REXO1: variants seen among roughly 807,000 people sequenced by gnomAD.
The protein encoded by REXO1 is RNA exonuclease 1 homolog, also known as REX1, RNA exonuclease 1 homolog.
Under a neutral mutation model 102.6 loss-of-function variants are expected in REXO1, and 42 were observed. The observed-to-expected ratio is 0.41, with a 90% CI of 0.32 to 0.53. The LOEUF (loss-of-function observed/expected upper bound fraction) is 0.53, where lower values mean the gene tolerates loss of function less well. Ranked by LOEUF, REXO1 falls within the 20% of genes least tolerant of loss-of-function variation. The pLI, the probability that REXO1 is intolerant of heterozygous loss-of-function variation, is 0.27. For missense variants in REXO1, 1,819 were observed against 1,732.5 expected, an observed-to-expected ratio of 1.05 and a Z score of -0.89; for synonymous variants, 908 against 779.1, an observed-to-expected ratio of 1.17 and a Z score of -2.76.
At chr19:1,823,203 TCA>T (rs961470097) in intron 4 of REXO1, 1 of 248,988 alleles carries the variant, frequency 4.0e-6, no homozygotes, top group Non-Finnish European at 7.6e-6. Context: ...CGCCCCCCAC[TCA>T]CACGCCAGGA....
In REXO1 at chr19:1,829,669, G is replaced by A. The variant is rs1377655956; in HGVS notation, c.158-1038C>T. 5.3e-5 allele frequency among the ~76,000 whole-genome samples: 8 copies of A among 152,124 alleles called. No homozygotes were observed. In the South Asian group the frequency reaches 8.3e-4, roughly 16 times the overall value. ...ACTAAAAATACAAAATTAGCCGGGCGTGGTGGCGCATGCCTGTAATCCCAG... is the reference window on the plus strand; with the variant it reads ...ACTAAAAATACAAAATTAGCCGGGCATGGTGGCGCATGCCTGTAATCCCAG... On this transcript the variant is annotated intron_variant, in intron 1 of 15. Coordinates refer to ENST00000170168, the MANE Select transcript of REXO1 (RefSeq NM_020695.4).
intron 1 of REXO1, among the ~76,000 whole-genome samples, chr19:1,834,355 G>T (rs1303421465): frequency 2.0e-5 from 3 of 152,188 alleles, no homozygotes; most frequent in Non-Finnish European, 4.4e-5. Context: ...GCAGAGCGCA[G>T]GACAGGTGAT....
At chr19:1,833,051 G>A (rs892434697) in intron 1 of REXO1, among the ~76,000 whole-genome samples, 6 of 151,938 alleles carry the variant, frequency 3.9e-5, no homozygotes, top group African/African-American at 7.3e-5. Context: ...GCGAGACCCC[G>A]TCTCTACAAA....
intron 12 of REXO1, among the ~76,000 whole-genome samples, 169 bp from the exon 13 acceptor site, chr19:1,816,982 G>A (rs914340931): frequency 2.6e-5 from 4 of 152,120 alleles, no homozygotes; most frequent in African/African-American, 7.2e-5. Context: ...ACCCCCTTTC[G>A]CAAAGCCCTC....
intron 5 of REXO1, among the ~76,000 whole-genome samples, chr19:1,820,871 G>A (rs542577020): frequency 4.6e-5 from 7 of 152,032 alleles, no homozygotes; most frequent in South Asian, 4.2e-4. Context: ...TGATGACACC[G>A]GCTTGTGGTC....
chr19:1,824,003 G>C (rs1011122207), intron 3 of REXO1: 1 of 394,002 alleles, frequency 2.5e-6, no homozygotes, highest in Admixed American at 4.4e-5. Context: ...AGTGTCTCCC[G>C]GTGCCCAGGC....
rs2069347675 is a variant in REXO1, at chr19:1,815,941, C to T, written c.*125G>A. On this transcript the variant is annotated 3_prime_UTR_variant, in exon 16 of 16. Transcript: ENST00000170168. The surrounding 1 kb of genome is among the most constrained non-coding windows in gnomAD (Gnocchi z 4.0). ...GGCGTTCTCTGGCCGCCAGCTCATC[C>T]CGCTGCTCTGGGCTGCCTCGGCCAG... is the stretch of plus-strand genomic sequence containing the variant. The T allele has an allele frequency of 6.5e-7, 1 of 1,535,112 alleles. No individual in the cohort carries two copies. Among genetic ancestry groups the T allele is most frequent in the African/African-American group, 1.4e-5 (1 of 73,132 alleles).
In REXO1 at chr19:1,826,619, C is replaced by T. The variant is rs557145520; in HGVS notation, c.1911+259G>A. Among the ~76,000 whole-genome samples the T allele has an allele frequency of 1.3e-5, 2 of 152,068 alleles. No individual in the cohort carries two copies. Among genetic ancestry groups the T allele is most frequent in the South Asian group, 2.1e-4 (1 of 4,808 alleles). Reference sequence around the variant, plus strand: ...CCCCTGCCAGTCAGTGGGAACAGACCGTGTGCACGTGGCCACAGAAGCCTG... The same window carrying T: ...CCCCTGCCAGTCAGTGGGAACAGACTGTGTGCACGTGGCCACAGAAGCCTG... On this transcript the variant is annotated intron_variant, in intron 2 of 15. Coordinates refer to ENST00000170168, the MANE Select transcript of REXO1 (RefSeq NM_020695.4). This position sits in a 1 kb window ranked among gnomAD's most constrained non-coding sequence, Gnocchi z 4.3.
chr19:1,832,004 C>T (rs1440119743), intron 1 of REXO1, among the ~76,000 whole-genome samples: 3 of 151,902 alleles, frequency 2.0e-5, no homozygotes. Flanking sequence ...GGCCACCTCA[C>T]TCAGCCAATA....
In REXO1 at chr19:1,834,845, A is replaced by G. The variant is rs575622168; in HGVS notation, c.158-6214T>C. 3.2e-3 allele frequency: 776 copies of G among 239,940 alleles called. 2 individuals are homozygous for G. Among genetic ancestry groups the G allele is most frequent in the Non-Finnish European group, 6.0e-3 (629 of 104,650 alleles). The allele number at this position is 239,940 out of a possible 1,614,324, so 14.9% of individuals were successfully genotyped here. A position where few individuals can be genotyped will look rare whatever the true frequency, so the allele number is the denominator to read the frequency against. ...ACCACCTCCACAAAGACTGCACCAA[A>G]AAGAAAGCAGGCATGCTAGGCGGGT... On this transcript the variant is annotated intron_variant, in intron 1 of 15. Transcript: ENST00000170168.
In REXO1 at chr19:1,827,958, G is replaced by A; in HGVS notation, c.831C>T (p.Asp277=). 1.2e-6 allele frequency: 2 copies of A among 1,613,712 alleles called. No homozygotes were observed. Among genetic ancestry groups the A allele is most frequent in the Non-Finnish European group, 8.5e-7 (1 of 1,179,874 alleles). The change falls in exon 2 of 16, where the codon GAC becomes GAT. Residue 277 remains aspartate, a synonymous_variant. Transcript: ENST00000170168. ...PYTPAPKKLC[D]PFGSCDARFS... is the part of the protein sequence containing the mutation. Reference sequence around the variant, plus strand: ...ACCTTGCATCGCAACTGCCAAAGGGGTCACAGAGCTTCTTGGGAGCAGGTG... The same window carrying A: ...ACCTTGCATCGCAACTGCCAAAGGGATCACAGAGCTTCTTGGGAGCAGGTG...
rs984946136 is a variant in REXO1 at position 1,848,287 on chromosome 19, G to A, written c.72C>T (p.Cys24=). The A allele has an allele frequency of 3.7e-5, 45 of 1,232,502 alleles. No homozygotes were observed. The highest frequency in any genetic ancestry group is 4.0e-5 in the Non-Finnish European group (39 of 982,346). The allele number at this position is 1,232,502 out of a possible 1,614,324, so 76.3% of individuals were successfully genotyped here. A position where few individuals can be genotyped will look rare whatever the true frequency, so the allele number is the denominator to read the frequency against. The change falls in exon 1 of 16, where the codon TGC becomes TGT. Residue 24 remains cysteine, a synonymous_variant. Transcript: ENST00000170168. ...GCCGGAAGTGGCAGTAGGGCCGCCG[G>A]CAGGGCCCCCCGGGCGCCCCAGACC... ...PYWSGAPGGP[C]RRPYCHFRHR...
Position 1,815,765 on chromosome 19 carries a change from G to A in REXO1, c.*301C>T. ...CCACCCGGGAGGGAGGGCCTGGCAG[G>A]AGGGGCAGGAGGGGCTGCGGGCCGG... On this transcript the variant is annotated 3_prime_UTR_variant, in exon 16 of 16. Coordinates refer to ENST00000170168, the MANE Select transcript of REXO1 (RefSeq NM_020695.4). This position sits in a 1 kb window ranked among gnomAD's most constrained non-coding sequence, Gnocchi z 4.0. 2 of 1,433,944 alleles carry A rather than the reference G, an allele frequency of 1.4e-6. No individual in the cohort carries two copies. The highest frequency in any genetic ancestry group is 1.8e-6 in the Non-Finnish European group (2 of 1,089,884). The allele number at this position is 1,433,944 out of a possible 1,614,324, so 88.8% of individuals were successfully genotyped here. A position where few individuals can be genotyped will look rare whatever the true frequency, so the allele number is the denominator to read the frequency against.
At position 1,827,119 on chromosome 19, in the gene REXO1, C is replaced by T; in HGVS notation, c.1670G>A (p.Ser557Asn). ...CCCCTGCGCCTCCGGGAAGCCCAGGCTGGAGTCTGAGTCGGAGTCTGAGTC... is the reference window on the plus strand; with the variant it reads ...CCCCTGCGCCTCCGGGAAGCCCAGGTTGGAGTCTGAGTCGGAGTCTGAGTC... ...SSDSDSDSDS[S>N]LGFPEAQGPP... Residue 557 changes from serine (S) to asparagine (N), a missense_variant, in exon 2 of 16, where the codon AGC (serine) becomes AAC (asparagine). By Grantham distance (46) the Ser-to-Asn change is conservative (BLOSUM62 1). Coordinates refer to ENST00000170168, the MANE Select transcript of REXO1 (RefSeq NM_020695.4). The T allele has an allele frequency of 6.5e-7, 1 of 1,542,318 alleles. No homozygotes were observed. The highest frequency in any genetic ancestry group is 8.7e-7 in the Non-Finnish European group (1 of 1,146,002).
chr19:1,817,861 C>T (rs965671956), intron 10 of REXO1, 81 bp from the exon 11 acceptor site: 2 of 1,159,694 alleles, frequency 1.7e-6, no homozygotes, highest in South Asian at 1.3e-5. Flanking sequence ...CTGCATCTAC[C>T]GAGCCCTACT....
At position 1,827,405 on chromosome 19, in the gene REXO1, T is replaced by C. The variant is rs961533996; in HGVS notation, c.1384A>G (p.Ser462Gly). The change falls in exon 2 of 16, where the codon AGC (serine) becomes GGC (glycine). Residue 462 changes from serine to glycine, a missense_variant. Transcript: ENST00000170168. ...CCGGCCGCCGGTCGGGAGTCCCCGC[T>C]TGTGGGGCTCGGCCGCCGCGCTGGC... Reference protein sequence around the residue: ...DRPARRPSPTSGDSRPAAGRG... With the variant: ...DRPARRPSPTGGDSRPAAGRG... 1.9e-6 allele frequency: 3 copies of C among 1,544,786 alleles called. No individual in the cohort carries two copies. Among genetic ancestry groups the C allele is most frequent in the Non-Finnish European group, 2.6e-6 (3 of 1,154,826 alleles).
rs79814521 is a variant in REXO1 at position 1,816,244 on chromosome 19, T to A, written c.3558A>T (p.Arg1186Ser). The part of the protein sequence containing the change: ...SLRNLMADYL[R>S]QIIQDNVDGH... ...ACTCACCATTGTCCTGGATGATCTG[T>A]CTGAGGTAGTCGGCCATGAGGTTCC... Residue 1186 changes from arginine to serine, a missense_variant, in exon 15 of 16, where the codon AGA becomes AGT. Arg to Ser is a moderately radical substitution (Grantham distance 110, BLOSUM62 -1). Coordinates refer to ENST00000170168, the MANE Select transcript of REXO1 (RefSeq NM_020695.4). 39 of 1,588,436 alleles carry A rather than the reference T, an allele frequency of 2.5e-5. No homozygotes were observed. The African/African-American group carries it at 5.2e-4, about 21-fold the overall frequency.
intron 1 of REXO1, among the ~76,000 whole-genome samples, chr19:1,833,904 C>T (rs1259725957): frequency 6.6e-6 from 1 of 152,206 alleles, no homozygotes; most frequent in Non-Finnish European, 1.5e-5. Flanking sequence ...GTCAGGGAGA[C>T]ACTGGTCTCC....
chr19:1,837,391 G>A (rs2070070643), intron 1 of REXO1, among the ~76,000 whole-genome samples: 2 of 152,168 alleles, frequency 1.3e-5, no homozygotes, highest in Non-Finnish European at 2.9e-5. Flanking sequence ...GGACAGATAG[G>A]AACCCGCTGC....
Sources: allele counts gnomAD v4.1 joint callset (sites outside exome capture counted in the v4.1 genomes callset), GRCh38; gene constraint gnomAD v4.1.1; non-coding constraint Gnocchi (gnomAD v3.1); transcripts MANE v1.5; gene names NCBI Gene and HGNC (gene_info 2026-07-23, HGNC 2026-07-21).